The following ACOT9 variants were observed in gnomAD, a reference collection of about 807,000 sequenced individuals.
ACOT9 encodes the protein acyl-CoA thioesterase 9.
Under a neutral mutation model 39.7 loss-of-function variants are expected in ACOT9, and 34 were observed. The ratio of observed to expected loss-of-function variants is 0.86; its 90% CI spans 0.65 to 1.14. The LOEUF (loss-of-function observed/expected upper bound fraction) is 1.14, where lower values mean the gene tolerates loss of function less well. Ranked by LOEUF, ACOT9 falls within the 50% of genes most tolerant of loss-of-function variation. ACOT9 has a pLI of 0.00. For synonymous variants in ACOT9, 110 were observed against 120.5 expected (o/e 0.91, Z 0.57); for missense variants, 313 against 344.1 (o/e 0.91, Z 0.71).
chrX:23,725,288 T>C (rs1231442986), intron 6 of ACOT9, among the ~76,000 whole-genome samples: 1 of 106,866 alleles, frequency 9.4e-6, no homozygotes, highest in Admixed American at 1.0e-4. Flanking sequence ...CTGACCAACA[T>C]GGCAAAACCC....
chrX:23,726,689 C>G (rs1929536307), intron 6 of ACOT9, among the ~76,000 whole-genome samples: 1 of 104,628 alleles, frequency 9.6e-6, no homozygotes, highest in Non-Finnish European at 1.9e-5. Context: ...TTTTTTGACT[C>G]AGAGCCTCAC....
intron 9 of ACOT9, among the ~76,000 whole-genome samples, chrX:23,710,545 C>T (rs1469057646): frequency 2.7e-5 from 3 of 112,101 alleles, no homozygotes; most frequent in Non-Finnish European, 3.8e-5. Flanking sequence ...TAATATATTA[C>T]AACCATGAAT....
At chrX:23,711,802 A>C (rs1418970449) in intron 9 of ACOT9, among the ~76,000 whole-genome samples, 3 of 111,361 alleles carry the variant, frequency 2.7e-5, no homozygotes, top group Non-Finnish European at 3.8e-5. Context: ...GAGTGGGACA[A>C]CCTGTACCTC....
chrX:23,717,780 T>C (rs776480507), intron 8 of ACOT9, among the ~76,000 whole-genome samples: 1 of 111,931 alleles, frequency 8.9e-6, no homozygotes, highest in East Asian at 2.8e-4. Context: ...CTCAACAGTA[T>C]TTATAATAAA....
chrX:23,739,302 C>A (rs763046927), intron 1 of ACOT9, among the ~76,000 whole-genome samples: 1 of 111,219 alleles, frequency 9.0e-6, no homozygotes, highest in South Asian at 3.7e-4. Context: ...AGTTACCTAA[C>A]CTCCCTGATC....
intron 15 of ACOT9, 107 bp from the exon 16 acceptor site, chrX:23,704,089 T>C: frequency 1.6e-6 from 1 of 624,169 alleles, no homozygotes; most frequent in Non-Finnish European, 2.5e-6. Context: ...CAGAACAAGA[T>C]ACACTGTTGG....
intron 8 of ACOT9, among the ~76,000 whole-genome samples, chrX:23,716,568 T>C (rs771081145): frequency 8.9e-6 from 1 of 112,380 alleles, no homozygotes; most frequent in Non-Finnish European, 1.9e-5. Context: ...ATTCTTACGA[T>C]GCTTGAAGGC....
chrX:23,704,614 C>T, intron 15 of ACOT9, 80 bp downstream of exon 15: 2 of 1,061,252 alleles, frequency 1.9e-6, no homozygotes, highest in Non-Finnish European at 2.6e-6. Context: ...GGCATCAATA[C>T]ACTTCCTCCA....
intron 8 of ACOT9, among the ~76,000 whole-genome samples, chrX:23,720,123 G>A (rs5925880): frequency 0.15 from 16,744 of 112,513 alleles, 1,042 homozygotes; most frequent in East Asian, 0.23. Flanking sequence ...GTGAGCCACC[G>A]CGCCCAGCCA....
intron 7 of ACOT9, 136 bp from the exon 8 acceptor site, chrX:23,722,120 G>A (rs745388423): frequency 3.5e-5 from 14 of 405,080 alleles, no homozygotes; most frequent in South Asian, 1.1e-4. Flanking sequence ...TTTTTGACAC[G>A]CAGAAGAAAT....
chrX:23,714,806 G>A (rs1342455148), intron 8 of ACOT9, among the ~76,000 whole-genome samples: 1 of 110,083 alleles, frequency 9.1e-6, no homozygotes, highest in Non-Finnish European at 1.9e-5. Context: ...TGTAGAGATG[G>A]GGTTTTCCAT....
intron 9 of ACOT9, among the ~76,000 whole-genome samples, chrX:23,712,007 GT>G (rs1928911749): frequency 9.0e-6 from 1 of 111,593 alleles, no homozygotes; most frequent in Non-Finnish European, 1.9e-5. Flanking sequence ...AATCCAGAAA[GT>G]GGGACACTAT....
At chrX:23,741,115 T>C (rs1855447600) in intron 1 of ACOT9, among the ~76,000 whole-genome samples, 1 of 108,122 alleles carries the variant, frequency 9.2e-6, no homozygotes, top group Non-Finnish European at 1.9e-5. Context: ...AAACTTAAAG[T>C]ATAATAATAA....
At chrX:23,728,684 T>C (rs1601817470) in intron 6 of ACOT9, among the ~76,000 whole-genome samples, 1 of 111,557 alleles carries the variant, frequency 9.0e-6, no homozygotes, top group South Asian at 3.7e-4. Context: ...GGAGCAGTGA[T>C]ACCCAGGAAT....
intron 8 of ACOT9, among the ~76,000 whole-genome samples, chrX:23,715,671 G>A (rs898549445): frequency 1.8e-5 from 2 of 111,228 alleles, no homozygotes; most frequent in African/African-American, 3.3e-5. Flanking sequence ...ACTGCATAAC[G>A]ATATACTATA....
At chrX:23,726,569 CA>C (rs759593680) in intron 6 of ACOT9, among the ~76,000 whole-genome samples, 2 of 111,219 alleles carry the variant, frequency 1.8e-5, no homozygotes, top group South Asian at 7.4e-4. Context: ...CATAAAGAGG[CA>C]ATGAGAGCAG....
At chrX:23,732,200 T>C (rs764055933) in intron 4 of ACOT9, among the ~76,000 whole-genome samples, 1 of 112,531 alleles carries the variant, frequency 8.9e-6, no homozygotes, top group South Asian at 3.6e-4. Flanking sequence ...TCTTGATGTT[T>C]TTTAAACAGC....
Position 23,739,543 on chromosome X carries a change from C to T in ACOT9, c.21-3527G>A, listed in dbSNP as rs767633827. ...GAACCAGGCTGGGCACAATGGCTCA[C>T]GCCTGTAATCCCAGCACTTTGAGAG... On this transcript the variant is annotated intron_variant, in intron 1 of 15. Coordinates refer to ENST00000379303, the MANE Select transcript of ACOT9 (RefSeq NM_001037171.2). Among the ~76,000 whole-genome samples, 279 of 111,694 alleles carry T rather than the reference C, an allele frequency of 2.5e-3. 1 individual carries two copies. Among genetic ancestry groups the T allele is most frequent in the African/African-American group, 8.7e-3 (269 of 30,791 alleles).
In ACOT9 at chrX:23,730,812, T is replaced by C; in HGVS notation, c.362+4A>G. On this transcript the variant is annotated splice_donor_region_variant and intron_variant, in intron 5 of 15. Coordinates refer to ENST00000379303, the MANE Select transcript of ACOT9 (RefSeq NM_001037171.2). Reference sequence around the variant, plus strand: ...ACAAATACATAAAAATAGCACTGTGTTACCTTACGGTGTTTTGAACAGTCA... The same window carrying C: ...ACAAATACATAAAAATAGCACTGTGCTACCTTACGGTGTTTTGAACAGTCA... 1 of 1,191,471 alleles carries C rather than the reference T, an allele frequency of 8.4e-7. No homozygotes were observed. Among genetic ancestry groups the C allele is most frequent in the East Asian group, 3.0e-5 (1 of 33,667 alleles).
Sources: allele counts gnomAD v4.1 joint callset (sites outside exome capture counted in the v4.1 genomes callset), GRCh38; gene constraint gnomAD v4.1.1; transcripts MANE v1.5; gene names NCBI Gene and HGNC (gene_info 2026-07-23, HGNC 2026-07-21).